Variants in PI4KA observed in about 807,000 individuals in gnomAD.
PI4KA encodes PI4-kinase alpha.
PI4KA carries 122 observed loss-of-function variants against 271.4 expected under a neutral mutation model. That is an observed-to-expected ratio of 0.45 (90% CI 0.39 to 0.52). The LOEUF (loss-of-function observed/expected upper bound fraction) is 0.52, where lower values mean the gene tolerates loss of function less well. PI4KA is among the 20% of genes least tolerant of loss of function. The pLI is 0.00. For synonymous variants in PI4KA, 1,041 were observed against 1,078.8 expected (o/e 0.96, Z 0.69); for missense variants, 1,969 against 2,769.1 (o/e 0.71, Z 6.48).
At chr22:20,847,742 G>T (rs567610864) in intron 1 of PI4KA, among the ~76,000 whole-genome samples, 1 of 137,304 alleles carries the variant, frequency 7.3e-6, no homozygotes, top group Admixed American at 7.6e-5. Context: ...GAGTGATAGT[G>T]AGACCCTGTT....
intron 32 of PI4KA, among the ~76,000 whole-genome samples, chr22:20,741,431 C>A (rs1929438872): frequency 6.6e-6 from 1 of 152,188 alleles, no homozygotes; most frequent in Non-Finnish European, 1.5e-5. Flanking sequence ...ACCCAGCACT[C>A]CCCTGACTTC....
chr22:20,757,184 A>G (rs930879556), intron 23 of PI4KA, among the ~76,000 whole-genome samples: 2 of 152,242 alleles, frequency 1.3e-5, no homozygotes, highest in African/African-American at 4.8e-5. Flanking sequence ...TGAAAATTCA[A>G]GAATAATATA....
intron 19 of PI4KA, among the ~76,000 whole-genome samples, chr22:20,774,485 GGGTGCAGT>G (rs1933085581): frequency 6.6e-6 from 1 of 152,188 alleles, no homozygotes; most frequent in African/African-American, 2.4e-5. Flanking sequence ...TAGAGGGGCC[GGGTGCAGT>G]GGCTCACGCC....
intron 27 of PI4KA, 46 bp downstream of exon 27, chr22:20,751,247 T>C (rs776444407): frequency 2.8e-6 from 4 of 1,443,620 alleles, no homozygotes; most frequent in South Asian, 1.2e-5. Flanking sequence ...ACTCAGGGAA[T>C]TGTGGTAAAG....
chr22:20,713,405 A>G lies in PI4KA; in HGVS notation c.5462-15T>C, dbSNP rs1219097645. Reference sequence around the variant, plus strand: ...GCACCGCAGACCTGCCCGCAGGGAGAGAGGCCGCTGTTAGCCTGTAGGCAG... The same window carrying G: ...GCACCGCAGACCTGCCCGCAGGGAGGGAGGCCGCTGTTAGCCTGTAGGCAG... On this transcript the variant is annotated splice_polypyrimidine_tract_variant and intron_variant, in intron 47 of 54. Coordinates refer to ENST00000255882, the MANE Select transcript of PI4KA (RefSeq NM_058004.4). 6 of 1,555,690 alleles carry G rather than the reference A, an allele frequency of 3.9e-6. No homozygotes were observed. In the African/African-American group the frequency reaches 6.8e-5, roughly 18 times the overall value.
intron 1 of PI4KA, among the ~76,000 whole-genome samples, chr22:20,852,685 T>C (rs1042280391): frequency 6.6e-5 from 10 of 152,250 alleles, no homozygotes; most frequent in Non-Finnish European, 1.0e-4. Flanking sequence ...CTTCTTAACA[T>C]AGCCTCACAA....
chr22:20,851,627 T>G (rs1926990616), intron 1 of PI4KA, among the ~76,000 whole-genome samples: 1 of 152,190 alleles, frequency 6.6e-6, no homozygotes, highest in Non-Finnish European at 1.5e-5. Flanking sequence ...CGTGAGCCAC[T>G]GTGCCCGGCT....
intron 9 of PI4KA, among the ~76,000 whole-genome samples, chr22:20,808,760 C>T (rs942722445): frequency 6.6e-6 from 1 of 151,654 alleles, no homozygotes; most frequent in Non-Finnish European, 1.5e-5. Flanking sequence ...CTCACTGCAG[C>T]CTTGAACTCC....
intron 1 of PI4KA, among the ~76,000 whole-genome samples, chr22:20,844,502 G>A (rs1376689775): frequency 6.6e-6 from 1 of 152,060 alleles, no homozygotes; most frequent in Non-Finnish European, 1.5e-5. Context: ...CCTCATGAGC[G>A]TTACAATCCA....
chr22:20,838,483 C>T lies in PI4KA; in HGVS notation c.273+132G>A, dbSNP rs537339214. On this transcript the variant is annotated intron_variant, in intron 2 of 54. Transcript: ENST00000255882. ...CATTCCCACCTTGTCCTACCCTCTC[C>T]ACTAACCACTTTGATTAGGTTCAAA... 48 of 630,472 alleles carry T rather than the reference C, an allele frequency of 7.6e-5. No individual in the cohort carries two copies. In the African/African-American group the frequency reaches 8.1e-4, roughly 11 times the overall value. 39.1% of individuals were successfully genotyped at this position (630,472 alleles called of 1,614,324 possible).
At chr22:20,743,598 G>A (rs1016656124) in intron 30 of PI4KA, among the ~76,000 whole-genome samples, 2 of 152,154 alleles carry the variant, frequency 1.3e-5, no homozygotes. Flanking sequence ...TGGGATTACT[G>A]GCGTGAGCCA....
intron 4 of PI4KA, 55 bp from the exon 5 acceptor site, chr22:20,820,666 T>C (rs1275259342): frequency 8.1e-7 from 1 of 1,230,916 alleles, no homozygotes; most frequent in Non-Finnish European, 1.2e-6. Context: ...TAGGTAAATA[T>C]CACGAAACTA....
intron 10 of PI4KA, 76 bp from the exon 11 acceptor site, chr22:20,805,241 G>GT: frequency 9.7e-7 from 1 of 1,028,182 alleles, no homozygotes; most frequent in African/African-American, 1.6e-5. Flanking sequence ...AGCGGCTACA[G>GT]TCTTCCCCTT....
chr22:20,819,617 C>G (rs934231538), intron 6 of PI4KA, 24 bp downstream of exon 6: 1 of 1,606,962 alleles, frequency 6.2e-7, no homozygotes, highest in Non-Finnish European at 8.5e-7. Flanking sequence ...CTCCTCTGCT[C>G]TTTCCCCAGT....
chr22:20,713,465 T>A, intron 47 of PI4KA, 75 bp from the exon 48 acceptor site: 1 of 1,134,776 alleles, frequency 8.8e-7, no homozygotes, highest in Non-Finnish European at 1.3e-6. Context: ...GGATGAGTCC[T>A]CTCACATGCC....
chr22:20,777,617 G>T lies in PI4KA; in HGVS notation c.2329-11924C>A, dbSNP rs1165067565. 2.6e-5 allele frequency among the ~76,000 whole-genome samples: 4 copies of T among 152,330 alleles called. 1 individual carries two copies. The East Asian group carries it at 7.7e-4, about 29-fold the overall frequency. Reference sequence around the variant, plus strand: ...GATCTTCCTGCCTTGGTCTCCCAGTGTTGGGATTATAGGCGTAAGCCACAG... The same window carrying T: ...GATCTTCCTGCCTTGGTCTCCCAGTTTTGGGATTATAGGCGTAAGCCACAG... On this transcript the variant is annotated intron_variant, in intron 19 of 54. Coordinates refer to ENST00000255882, the MANE Select transcript of PI4KA (RefSeq NM_058004.4).
At chr22:20,756,710 A>C (rs1018523920) in intron 23 of PI4KA, among the ~76,000 whole-genome samples, 1 of 152,068 alleles carries the variant, frequency 6.6e-6, no homozygotes, top group African/African-American at 2.4e-5. Flanking sequence ...GGCTCACTCC[A>C]ACCTCTGCCT....
In PI4KA at chr22:20,805,138, A is replaced by C. The variant is rs1165329930; in HGVS notation, c.1196T>G (p.Ile399Ser). The C allele has an allele frequency of 1.9e-6, 3 of 1,613,964 alleles. No individual in the cohort carries two copies. In the Admixed American group the frequency reaches 5.0e-5, roughly 27 times the overall value. ...GAACTGCTCCAGCACAAAATCATGG[A>C]TCTCCTTCACAAAAGAGGTCGGGAG... ...KDLPTSFVKEIHDFVLEQFNT... is the reference protein window; with the variant it reads ...KDLPTSFVKESHDFVLEQFNT... Residue 399 changes from isoleucine to serine, a missense_variant, in exon 11 of 55, where the codon ATC becomes AGC. Physicochemically the swap from Ile to Ser is moderately radical, Grantham distance 142. Transcript: ENST00000255882.
chr22:20,758,364 C>CAAAAAAA (rs3042105), intron 23 of PI4KA, among the ~76,000 whole-genome samples: 1 of 43,260 alleles, frequency 2.3e-5, no homozygotes, highest in Non-Finnish European at 3.7e-5. Context: ...GACTCTGTCT[C>CAAAAAAA]AAAAAAAAAA....
Sources: gnomAD v4.1 joint callset for allele counts (sites outside exome capture counted in the v4.1 genomes callset) on GRCh38, gnomAD v4.1.1 for gene constraint, MANE v1.5 for transcripts, NCBI Gene and HGNC (gene_info 2026-07-23, HGNC 2026-07-21) for gene names.